Variants in EFCAB9 observed in about 807,000 individuals in gnomAD.
EFCAB9 encodes the protein EF-hand calcium binding domain 9, also known as EF-hand calcium-binding domain-containing protein 9.
In EFCAB9, 16 loss-of-function variants were observed where a neutral mutation model predicts 15.6. That is an observed-to-expected ratio of 1.03 (90% CI 0.69 to 1.56). The LOEUF (loss-of-function observed/expected upper bound fraction) is 1.56. Ranked by LOEUF, EFCAB9 falls within the 40% of genes most tolerant of loss-of-function variation. The probability of loss-of-function intolerance (pLI) is 0.00; values close to 1 mark genes in which losing one functional copy is unlikely to be tolerated. For missense variants in EFCAB9, 208 were observed against 235.4 expected, an observed-to-expected ratio of 0.88 and a Z score of 0.76; for synonymous variants, 76 against 85.4, an observed-to-expected ratio of 0.89 and a Z score of 0.61.
chr5:172,198,544 C>A (rs542930777), intron 1 of EFCAB9, among the ~76,000 whole-genome samples: 2 of 152,174 alleles, frequency 1.3e-5, no homozygotes, highest in South Asian at 4.1e-4. Flanking sequence ...TTGGTCCCTT[C>A]CCCCTACAGC....
intron 1 of EFCAB9, among the ~76,000 whole-genome samples, chr5:172,194,653 C>A (rs1001822232): frequency 2.6e-5 from 4 of 152,146 alleles, no homozygotes; most frequent in African/African-American, 9.7e-5. Context: ...CCCGCCTCCG[C>A]CTCCCTAAGT....
chr5:172,197,707 C>G (rs1048440170), intron 1 of EFCAB9, among the ~76,000 whole-genome samples: 1 of 152,150 alleles, frequency 6.6e-6, no homozygotes, highest in African/African-American at 2.4e-5. Context: ...GTGAGTGTTA[C>G]AGCTCTTAAA....
At chr5:172,194,347 T>A (rs1165573445) in intron 1 of EFCAB9, 39 bp downstream of exon 1, 1 of 1,531,022 alleles carries the variant, frequency 6.5e-7, no homozygotes, top group Non-Finnish European at 8.7e-7. Context: ...GGTCCTTACC[T>A]GGGTTTTAGC....
At chr5:172,200,121 G>A (rs1394909359) in intron 2 of EFCAB9, among the ~76,000 whole-genome samples, 1 of 151,864 alleles carries the variant, frequency 6.6e-6, no homozygotes, top group Admixed American at 6.6e-5. Context: ...GTTTCACCAT[G>A]TTGGCCAGGC....
Position 172,199,427 on chromosome 5 carries a change from A to G in EFCAB9, c.181A>G (p.Lys61Glu). The G allele has an allele frequency of 6.5e-7, 1 of 1,537,256 alleles. No homozygotes were observed. Among genetic ancestry groups the G allele is most frequent in the Non-Finnish European group, 8.7e-7 (1 of 1,146,910 alleles). ...CCTTCATCATGTGACTGACTTGAAA[A>G]AGGCACAGATCAACATTGTGTTTGA... is the stretch of plus-strand genomic sequence containing the variant. ...HFLHHVTDLK[K>E]AQINIVFDML... The change falls in exon 2 of 4, where the codon AAG becomes GAG. Residue 61 changes from lysine to glutamate, a missense_variant. Lys to Glu is a moderately conservative substitution (Grantham distance 56). Coordinates refer to ENST00000398186, the MANE Select transcript of EFCAB9 (RefSeq NM_001171183.2).
chr5:172,199,858 T>C (rs1370816845), intron 2 of EFCAB9, among the ~76,000 whole-genome samples: 1 of 151,494 alleles, frequency 6.6e-6, no homozygotes, highest in African/African-American at 2.4e-5. Context: ...CCTTCAATGA[T>C]CCTTTTCCTC....
chr5:172,198,655 CG>C (rs1228560524), intron 1 of EFCAB9, among the ~76,000 whole-genome samples: 4 of 152,268 alleles, frequency 2.6e-5, no homozygotes, highest in Admixed American at 2.0e-4. Flanking sequence ...CTTGGTCTGT[CG>C]CCCAGGCTGG....
At position 172,203,396 on chromosome 5, in the gene EFCAB9, A is replaced by G. The variant is rs1771292343; in HGVS notation, c.*51A>G. On this transcript the variant is annotated 3_prime_UTR_variant, in exon 4 of 4. Transcript: ENST00000398186. ...AAAATGGGATCTGAAAGTACAGAAC[A>G]TGAACATTGATGAAGACTGTTAACA... is the stretch of plus-strand genomic sequence containing the variant. 18 of 1,498,584 alleles carry G rather than the reference A, an allele frequency of 1.2e-5. No homozygotes were observed. The South Asian group carries it at 2.0e-4, about 17-fold the overall frequency. The allele number at this position is 1,498,584 out of a possible 1,614,324, so 92.8% of individuals were successfully genotyped here.
At chr5:172,195,452 T>C (rs1771145120) in intron 1 of EFCAB9, among the ~76,000 whole-genome samples, 1 of 152,224 alleles carries the variant, frequency 6.6e-6, no homozygotes, top group Non-Finnish European at 1.5e-5. Context: ...ACATAGAGAT[T>C]TATGTACAGT....
At chr5:172,197,798 G>C (rs540193786) in intron 1 of EFCAB9, among the ~76,000 whole-genome samples, 2 of 152,230 alleles carry the variant, frequency 1.3e-5, no homozygotes, top group South Asian at 2.1e-4. Context: ...GCATGAAAGG[G>C]GACCCAAGCA....
rs10073309 is a variant in EFCAB9 at position 172,197,835 on chromosome 5, A to G, written c.137-1548A>G. ...GTTGCCGCTGCTGCCTGGGGTGGCC[A>G]GCTTTTATTCCCTTATTTGTCCCTG... On this transcript the variant is annotated intron_variant, in intron 1 of 3. Transcript: ENST00000398186. Among the ~76,000 whole-genome samples, 1,139 of 152,258 alleles carry G rather than the reference A, an allele frequency of 7.5e-3. 18 individuals carry two copies. The highest frequency in any genetic ancestry group is 0.025 in the African/African-American group (1,057 of 41,548).
chr5:172,194,348 G>C, intron 1 of EFCAB9, 40 bp downstream of exon 1: 1 of 1,528,384 alleles, frequency 6.5e-7, no homozygotes. Context: ...GTCCTTACCT[G>C]GGTTTTAGCT....
intron 3 of EFCAB9, among the ~76,000 whole-genome samples, chr5:172,201,193 C>T (rs758131466): frequency 1.1e-4 from 16 of 152,038 alleles, no homozygotes; most frequent in Admixed American, 2.6e-4. Context: ...CTGACCAATA[C>T]GGAGAAACCC....
At chr5:172,195,095 A>C (rs767371705) in intron 1 of EFCAB9, among the ~76,000 whole-genome samples, 1 of 151,958 alleles carries the variant, frequency 6.6e-6, no homozygotes, top group Non-Finnish European at 1.5e-5. Context: ...TCATGTGGGA[A>C]GTTTGAATCT....
intron 1 of EFCAB9, among the ~76,000 whole-genome samples, chr5:172,197,093 C>T (rs931783712): frequency 4.6e-5 from 7 of 151,038 alleles, no homozygotes; most frequent in Non-Finnish European, 1.5e-5. Context: ...CTGCCACTTG[C>T]TATGTGAGGC....
intron 3 of EFCAB9, 21 bp from the exon 4 acceptor site, chr5:172,203,193 T>TTTTC (rs201583078): frequency 0.46 from 656,179 of 1,438,486 alleles, 153,570 homozygotes; most frequent in African/African-American, 0.59. Context: ...AATTTTTCTT[T>TTTTC]CCCCCCCACC....
intron 1 of EFCAB9, among the ~76,000 whole-genome samples, chr5:172,197,789 C>A (rs955714230): frequency 1.3e-5 from 2 of 152,150 alleles, no homozygotes; most frequent in Non-Finnish European, 2.9e-5. Context: ...GCTCCTACAG[C>A]ATGAAAGGGG....
chr5:172,202,716 A>G (rs2113862754), intron 3 of EFCAB9, among the ~76,000 whole-genome samples: 1 of 152,058 alleles, frequency 6.6e-6, no homozygotes, highest in Admixed American at 6.5e-5. Flanking sequence ...TCAAAAAAAA[A>G]AAAGGCCAGG....
intron 1 of EFCAB9, among the ~76,000 whole-genome samples, chr5:172,195,238 TGA>T (rs1321116200): frequency 6.6e-5 from 10 of 151,990 alleles, no homozygotes; most frequent in Non-Finnish European, 1.5e-5. Context: ...CCATGCTTGT[TGA>T]GTTCACAAAC....
Sources: allele counts gnomAD v4.1 joint callset (sites outside exome capture counted in the v4.1 genomes callset), GRCh38; gene constraint gnomAD v4.1.1; transcripts MANE v1.5; gene names NCBI Gene and HGNC (gene_info 2026-07-23, HGNC 2026-07-21).